ZEB1: variants seen among roughly 807,000 people sequenced by gnomAD.
The protein encoded by ZEB1 is zinc finger E-box binding homeobox 1, also known as zinc finger E-box-binding homeobox 1.
A neutral mutation model predicts 84.9 loss-of-function variants in ZEB1; 21 were observed. That is an observed-to-expected ratio of 0.25 (90% confidence interval 0.18 to 0.36). The LOEUF (loss-of-function observed/expected upper bound fraction) is 0.36. ZEB1 is among the 10% of genes least tolerant of loss of function. ZEB1 has a pLI of 1.00. For synonymous variants in ZEB1, 420 were observed against 471.1 expected (o/e 0.89, Z 1.41); for missense variants, 1,104 against 1,330.2 (o/e 0.83, Z 2.65).
At chr10:31,423,398 C>T (rs1213865314) in intron 1 of ZEB1, among the ~76,000 whole-genome samples, 1 of 152,100 alleles carries the variant, frequency 6.6e-6, no homozygotes, top group African/African-American at 2.4e-5. Flanking sequence ...AGCATTTCTA[C>T]AACCAGGTGA....
chr10:31,435,982 G>A (rs1416869378), intron 1 of ZEB1, among the ~76,000 whole-genome samples: 1 of 152,138 alleles, frequency 6.6e-6, no homozygotes, highest in Non-Finnish European at 1.5e-5. Flanking sequence ...CAAAAGATGA[G>A]TAGGAATTTG....
chr10:31,381,402 A>G (rs1191652104), intron 1 of ZEB1, among the ~76,000 whole-genome samples: 1 of 152,224 alleles, frequency 6.6e-6, no homozygotes, highest in Non-Finnish European at 1.5e-5. Context: ...TTTGAGAGAG[A>G]TGTTAGATCT....
intron 2 of ZEB1, among the ~76,000 whole-genome samples, chr10:31,475,141 C>T (rs1395719107): frequency 1.3e-5 from 2 of 151,402 alleles, no homozygotes; most frequent in Admixed American, 6.6e-5. Context: ...AGTGCACCAG[C>T]GTGGCACATG....
At chr10:31,350,537 A>G (rs182815564) in intron 1 of ZEB1, among the ~76,000 whole-genome samples, 7 of 152,318 alleles carry the variant, frequency 4.6e-5, no homozygotes, top group African/African-American at 1.7e-4. Flanking sequence ...ATAAATCTCA[A>G]CAGCACTCAC....
intron 1 of ZEB1, among the ~76,000 whole-genome samples, chr10:31,370,799 G>T (rs1022197397): frequency 6.6e-6 from 1 of 152,158 alleles, no homozygotes; most frequent in African/African-American, 2.4e-5. Context: ...CCAGCTAGTT[G>T]TGTGACTTTG....
intron 1 of ZEB1, among the ~76,000 whole-genome samples, chr10:31,371,532 TAA>T (rs2045705116): frequency 6.6e-6 from 1 of 152,204 alleles, no homozygotes; most frequent in Non-Finnish European, 1.5e-5. Flanking sequence ...CTTCTTGATA[TAA>T]AGTCTTCTCA....
chr10:31,485,507 T>C (rs2065612519), intron 2 of ZEB1, among the ~76,000 whole-genome samples: 1 of 151,908 alleles, frequency 6.6e-6, no homozygotes, highest in South Asian at 2.1e-4. Context: ...TGGATCTGAT[T>C]TCTGTACTAC....
chr10:31,474,713 A>G (rs2138139997), intron 2 of ZEB1, among the ~76,000 whole-genome samples: 1 of 152,338 alleles, frequency 6.6e-6, no homozygotes, highest in African/African-American at 2.4e-5. Flanking sequence ...ATTACTGGGT[A>G]TATACCCAAA....
At chr10:31,421,252 G>A (rs1456409396) in intron 1 of ZEB1, among the ~76,000 whole-genome samples, 1 of 152,082 alleles carries the variant, frequency 6.6e-6, no homozygotes, top group African/African-American at 2.4e-5. Context: ...ATGGCATGGA[G>A]GAGTATTGTC....
At chr10:31,436,480 G>A (rs1224851194) in intron 1 of ZEB1, among the ~76,000 whole-genome samples, 2 of 152,046 alleles carry the variant, frequency 1.3e-5, no homozygotes, top group South Asian at 2.1e-4. Flanking sequence ...AACCTGTTCA[G>A]AGCATGTCCG....
At chr10:31,350,154 A>G (rs2041065647) in intron 1 of ZEB1, among the ~76,000 whole-genome samples, 1 of 152,084 alleles carries the variant, frequency 6.6e-6, no homozygotes. Context: ...AGTTTTCCCA[A>G]CACCATTTAT....
chr10:31,498,949 T>A (rs1226621128), intron 3 of ZEB1, among the ~76,000 whole-genome samples: 2 of 152,096 alleles, frequency 1.3e-5, no homozygotes, highest in Admixed American at 1.3e-4. Flanking sequence ...TTTCTTTTTT[T>A]TAGCATTGAG....
At chr10:31,320,928 A>G (rs945327802) in intron 1 of ZEB1, among the ~76,000 whole-genome samples, 1 of 152,202 alleles carries the variant, frequency 6.6e-6, no homozygotes, top group Non-Finnish European at 1.5e-5. Context: ...CGCCGGCCGC[A>G]GCCCAGGCTA....
intron 2 of ZEB1, among the ~76,000 whole-genome samples, chr10:31,472,263 T>A (rs1359815180): frequency 6.6e-6 from 1 of 151,952 alleles, no homozygotes; most frequent in Non-Finnish European, 1.5e-5. Flanking sequence ...AAAAATTAAT[T>A]AATCCCAGAG....
At chr10:31,451,481 T>G (rs921866485) in intron 1 of ZEB1, among the ~76,000 whole-genome samples, 2 of 152,310 alleles carry the variant, frequency 1.3e-5, no homozygotes, top group African/African-American at 4.8e-5. Context: ...CACACTTAGA[T>G]TTCGTCATAC....
intron 1 of ZEB1, among the ~76,000 whole-genome samples, chr10:31,425,967 C>T (rs942821036): frequency 6.6e-6 from 1 of 152,068 alleles, no homozygotes; most frequent in African/African-American, 2.4e-5. Context: ...ATTCAAAGAA[C>T]GCTGCAATAA....
chr10:31,469,255 G>C (rs1052146445), intron 2 of ZEB1, among the ~76,000 whole-genome samples: 10 of 152,182 alleles, frequency 6.6e-5, no homozygotes, highest in Non-Finnish European at 1.2e-4. Context: ...CTCCCAGCGT[G>C]AGCGACGCAG....
chr10:31,455,648 T>C (rs1376339794), intron 1 of ZEB1, among the ~76,000 whole-genome samples: 1 of 152,066 alleles, frequency 6.6e-6, no homozygotes, highest in African/African-American at 2.4e-5. Flanking sequence ...CCAGCAGACA[T>C]ATGAAAAAAT....
At chr10:31,471,474 A>G (rs1000190580) in intron 2 of ZEB1, among the ~76,000 whole-genome samples, 28 of 151,548 alleles carry the variant, frequency 1.8e-4, no homozygotes, top group African/African-American at 6.8e-4. Flanking sequence ...AGGCCATTAC[A>G]TAATGGTAAA....
Sources: gnomAD v4.1 joint callset for allele counts (sites outside exome capture counted in the v4.1 genomes callset) on GRCh38, gnomAD v4.1.1 for gene constraint, MANE v1.5 for transcripts, NCBI Gene and HGNC (gene_info 2026-07-23, HGNC 2026-07-21) for gene names.